PELI2: variants seen among roughly 807,000 people sequenced by gnomAD.
The protein encoded by PELI2 is pellino E3 ubiquitin protein ligase family member 2.
A neutral mutation model predicts 42.3 loss-of-function variants in PELI2; 23 were observed. That is an observed-to-expected ratio of 0.54 (90% CI 0.39 to 0.77). The LOEUF (loss-of-function observed/expected upper bound fraction) is 0.77. Among genes scored for constraint, PELI2 ranks in the 30% least tolerant of loss-of-function variants. The pLI, the probability that PELI2 is intolerant of heterozygous loss-of-function variation, is 0.00. For synonymous variants in PELI2, 245 were observed against 212.2 expected (o/e 1.15, Z -1.34); for missense variants, 463 against 553.2 (o/e 0.84, Z 1.64).
At chr14:56,229,251 C>T (rs1244018657) in intron 2 of PELI2, among the ~76,000 whole-genome samples, 2 of 152,190 alleles carry the variant, frequency 1.3e-5, no homozygotes, top group African/African-American at 4.8e-5. Context: ...TAGTGGTTCT[C>T]CCAGCACGGA....
intron 2 of PELI2, among the ~76,000 whole-genome samples, chr14:56,237,859 G>A (rs970373904): frequency 2.6e-5 from 4 of 151,464 alleles, no homozygotes; most frequent in Non-Finnish European, 5.9e-5. Context: ...AGAACTAATA[G>A]TCAATCAGTT....
intron 1 of PELI2, among the ~76,000 whole-genome samples, chr14:56,174,849 C>G (rs986724402): frequency 6.6e-6 from 1 of 152,124 alleles, no homozygotes; most frequent in Non-Finnish European, 1.5e-5. Flanking sequence ...ACGTTACAGT[C>G]GGGCTCCTGC....
chr14:56,149,016 A>G (rs1884237918), intron 1 of PELI2, among the ~76,000 whole-genome samples: 1 of 152,188 alleles, frequency 6.6e-6, no homozygotes, highest in African/African-American at 2.4e-5. Flanking sequence ...CACTGATTGA[A>G]AGAGCTTCAG....
At chr14:56,271,389 A>G (rs987656510) in intron 2 of PELI2, among the ~76,000 whole-genome samples, 3 of 152,210 alleles carry the variant, frequency 2.0e-5, no homozygotes, top group African/African-American at 7.2e-5. Flanking sequence ...AAATGTTTCT[A>G]CAGCAATACA....
At chr14:56,166,656 A>C (rs548616425) in intron 1 of PELI2, among the ~76,000 whole-genome samples, 62 of 152,012 alleles carry the variant, frequency 4.1e-4, no homozygotes, top group African/African-American at 8.4e-4. Flanking sequence ...TCTAGGGTAA[A>C]GTTTTTTTCC....
Position 56,180,878 on chromosome 14 carries a change from ACCTTTTCTTCAGATAC to A in PELI2, c.207+2417_207+2432del, listed in dbSNP as rs373717813. On this transcript the variant is annotated intron_variant, in intron 2 of 5. Coordinates refer to ENST00000267460, the MANE Select transcript of PELI2 (RefSeq NM_021255.3). This position sits in a 1 kb window ranked among gnomAD's most constrained non-coding sequence, Gnocchi z 4.4. Reference sequence around the variant, plus strand: ...GTGAACTCAGCCCTTTACATATTTAACCTTTTCTTCAGATACCCCTCCCACTTCCTGGCTTTAACTG... The same window carrying A: ...GTGAACTCAGCCCTTTACATATTTAACCCTCCCACTTCCTGGCTTTAACTG... 2.8e-3 allele frequency among the ~76,000 whole-genome samples: 419 copies of A among 151,964 alleles called. No individual in the cohort carries two copies. The highest frequency in any genetic ancestry group is 9.1e-3 in the African/African-American group (379 of 41,440).
At chr14:56,216,674 T>A (rs150579133) in intron 2 of PELI2, among the ~76,000 whole-genome samples, 23 of 152,362 alleles carry the variant, frequency 1.5e-4, no homozygotes, top group African/African-American at 5.5e-4. Context: ...CATTTTAACT[T>A]AATTCAGAGA....
At chr14:56,125,423 G>T (rs562401808) in intron 1 of PELI2, among the ~76,000 whole-genome samples, 68 of 151,322 alleles carry the variant, frequency 4.5e-4, no homozygotes, top group South Asian at 8.4e-4. Flanking sequence ...GGCAGGGGGG[G>T]GGTGAATTGG....
intron 2 of PELI2, among the ~76,000 whole-genome samples, chr14:56,271,150 G>A (rs1008903104): frequency 6.6e-6 from 1 of 152,168 alleles, no homozygotes. Flanking sequence ...ACCCTGCTCT[G>A]CCCCGACATC....
Position 56,224,815 on chromosome 14 carries a change from G to A in PELI2, c.207+46351G>A, listed in dbSNP as rs1398387395. On this transcript the variant is annotated intron_variant, in intron 2 of 5. Coordinates refer to ENST00000267460, the MANE Select transcript of PELI2 (RefSeq NM_021255.3). ...GTGAGACTCATAAAAATGTCAACAC[G>A]TGAAGTATAGTTGAATTAAAATGCA... Among the ~76,000 whole-genome samples the A allele has an allele frequency of 2.6e-5, 4 of 151,484 alleles. 1 individual carries two copies. In the South Asian group the frequency reaches 6.4e-4, roughly 24 times the overall value.
chr14:56,119,771 A>G (rs1375125654), intron 1 of PELI2: 2 of 981,550 alleles, frequency 2.0e-6, no homozygotes, highest in Admixed American at 6.2e-5. Context: ...AGAAAGGATT[A>G]TTTTTTCCTT....
intron 1 of PELI2, chr14:56,145,069 TATA>T: frequency 2.0e-6 from 1 of 510,938 alleles, no homozygotes; most frequent in Non-Finnish European, 2.5e-6. Flanking sequence ...CTAGGTTCTT[TATA>T]AAGAAAAGAG....
intron 1 of PELI2, among the ~76,000 whole-genome samples, chr14:56,151,158 T>G (rs1884337026): frequency 6.6e-6 from 1 of 152,226 alleles, no homozygotes; most frequent in Non-Finnish European, 1.5e-5. Flanking sequence ...CCGTGTGGCC[T>G]CTTTGCAGCA....
At chr14:56,260,800 A>T (rs1888684844) in intron 2 of PELI2, among the ~76,000 whole-genome samples, 1 of 152,222 alleles carries the variant, frequency 6.6e-6, no homozygotes, top group Non-Finnish European at 1.5e-5. Flanking sequence ...GGGTCAGCCC[A>T]TGTGCAGGTT....
At chr14:56,265,365 A>G (rs1354841729) in intron 2 of PELI2, among the ~76,000 whole-genome samples, 2 of 152,276 alleles carry the variant, frequency 1.3e-5, no homozygotes, top group South Asian at 2.1e-4. Context: ...TGCAAAGGCA[A>G]TTCTGTTGAA....
chr14:56,179,203 A>G (rs1285590538), intron 2 of PELI2, among the ~76,000 whole-genome samples: 5 of 152,154 alleles, frequency 3.3e-5, no homozygotes, highest in Non-Finnish European at 4.4e-5. Context: ...TCCTTAATAT[A>G]TAGTCTTATT....
chr14:56,210,352 T>C (rs1352291935), intron 2 of PELI2, among the ~76,000 whole-genome samples: 1 of 152,004 alleles, frequency 6.6e-6, no homozygotes, highest in Non-Finnish European at 1.5e-5. Flanking sequence ...GGGATGAGGA[T>C]TGGGAAGTCA....
At chr14:56,186,387 G>A (rs1885770780) in intron 2 of PELI2, among the ~76,000 whole-genome samples, 2 of 152,134 alleles carry the variant, frequency 1.3e-5, no homozygotes. Flanking sequence ...CTTGATTTTG[G>A]CCTTGTAAGA....
intron 2 of PELI2, among the ~76,000 whole-genome samples, chr14:56,230,998 A>G (rs1004712617): frequency 1.3e-5 from 2 of 152,232 alleles, no homozygotes; most frequent in African/African-American, 4.8e-5. Context: ...ACAGATCAAA[A>G]GAGACAAAGA....
Sources: allele counts gnomAD v4.1 joint callset (sites outside exome capture counted in the v4.1 genomes callset), GRCh38; gene constraint gnomAD v4.1.1; non-coding constraint Gnocchi (gnomAD v3.1); transcripts MANE v1.5; gene names NCBI Gene and HGNC (gene_info 2026-07-23, HGNC 2026-07-21).